FBXL13: variants seen among roughly 807,000 people sequenced by gnomAD.
FBXL13 encodes the protein F-box and leucine-rich repeat protein 13.
FBXL13 carries 67 observed loss-of-function variants against 83.6 expected under a neutral mutation model. That is an observed-to-expected ratio of 0.80 (90% CI 0.66 to 0.98). The LOEUF (loss-of-function observed/expected upper bound fraction) is 0.98. Ranked by LOEUF, FBXL13 falls within the 50% of genes least tolerant of loss-of-function variation. The probability of loss-of-function intolerance (pLI) is 0.00; values close to 1 mark genes in which losing one functional copy is unlikely to be tolerated. For missense variants in FBXL13, 822 were observed against 866.5 expected (o/e 0.95, Z 0.64); for synonymous variants, 272 against 299.5 (o/e 0.91, Z 0.95).
At chr7:102,898,218 T>C (rs561775437) in intron 11 of FBXL13, among the ~76,000 whole-genome samples, 59 of 152,268 alleles carry the variant, frequency 3.9e-4, no homozygotes, top group African/African-American at 1.3e-3. Flanking sequence ...ATGTATATAT[T>C]GTGTGTATAC....
chr7:102,883,934 T>G (rs1423876754), intron 12 of FBXL13, among the ~76,000 whole-genome samples: 1 of 152,194 alleles, frequency 6.6e-6, no homozygotes, highest in African/African-American at 2.4e-5. Flanking sequence ...AAAAAATTAC[T>G]ACATTTGGCA....
At chr7:102,939,368 C>T (rs1358338340) in intron 8 of FBXL13, 38 of 1,390,388 alleles carry the variant, frequency 2.7e-5, no homozygotes, top group South Asian at 1.8e-4. Context: ...ACAGATATAA[C>T]GGTGACCGAG....
intron 8 of FBXL13, among the ~76,000 whole-genome samples, chr7:102,943,348 A>G (rs1236039961): frequency 6.6e-6 from 1 of 151,732 alleles, no homozygotes; most frequent in Non-Finnish European, 1.5e-5. Context: ...AAAAAAAAAA[A>G]AGCCCAAAAT....
At chr7:103,013,096 T>C (rs1038402766) in intron 6 of FBXL13, among the ~76,000 whole-genome samples, 1 of 152,248 alleles carries the variant, frequency 6.6e-6, no homozygotes, top group Non-Finnish European at 1.5e-5. Context: ...AAGACCTATC[T>C]ATCATAAATA....
intron 8 of FBXL13, among the ~76,000 whole-genome samples, chr7:102,956,489 T>C (rs1024705513): frequency 6.6e-6 from 1 of 152,156 alleles, no homozygotes; most frequent in Non-Finnish European, 1.5e-5. Flanking sequence ...AAGGATGTCC[T>C]CTCTCACCAC....
chr7:102,857,951 A>G (rs994803037), intron 16 of FBXL13, among the ~76,000 whole-genome samples: 1 of 152,212 alleles, frequency 6.6e-6, no homozygotes, highest in Non-Finnish European at 1.5e-5. Flanking sequence ...ACTAGTGGGT[A>G]TTTACCCAAA....
At chr7:102,935,158 T>C (rs1172660134) in intron 8 of FBXL13, among the ~76,000 whole-genome samples, 2 of 151,404 alleles carry the variant, frequency 1.3e-5, no homozygotes, top group Non-Finnish European at 2.9e-5. Flanking sequence ...AGAGTGAAAG[T>C]GATGGCCCTT....
intron 6 of FBXL13, among the ~76,000 whole-genome samples, chr7:103,024,711 A>C (rs1793652612): frequency 6.7e-6 from 1 of 150,004 alleles, no homozygotes. Flanking sequence ...AAAACAGACA[A>C]GATAGGAGCA....
At chr7:102,927,720 A>G (rs1006612347) in intron 9 of FBXL13, among the ~76,000 whole-genome samples, 2 of 152,188 alleles carry the variant, frequency 1.3e-5, no homozygotes, top group African/African-American at 4.8e-5. Context: ...ACTACTCTTA[A>G]CTACAGTATT....
downstream of FBXL13, chr7:102,813,195 A>T: frequency 2.7e-6 from 2 of 754,522 alleles, no homozygotes; most frequent in East Asian, 2.8e-5. Flanking sequence ...ATGTGTTTGG[A>T]AATATTTGTA....
intron 16 of FBXL13, among the ~76,000 whole-genome samples, chr7:102,869,000 G>A (rs966522444): frequency 6.6e-6 from 1 of 152,202 alleles, no homozygotes; most frequent in Admixed American, 6.5e-5. Context: ...ATACCAAGTA[G>A]TGGGATTGCC....
At chr7:103,012,829 C>T (rs1791802247) in intron 6 of FBXL13, among the ~76,000 whole-genome samples, 1 of 152,186 alleles carries the variant, frequency 6.6e-6, no homozygotes, top group African/African-American at 2.4e-5. Flanking sequence ...TGTAAATGGG[C>T]TAAATGCCCC....
chr7:102,954,129 C>T (rs191337424), intron 8 of FBXL13, among the ~76,000 whole-genome samples: 56 of 152,252 alleles, frequency 3.7e-4, no homozygotes, highest in African/African-American at 1.2e-3. Flanking sequence ...GGCAGAGCAT[C>T]GCCTCACCCA....
rs1282086887 is a variant in FBXL13 at position 102,939,577 on chromosome 7, T to C, written c.725-7644A>G. The C allele has an allele frequency of 4.3e-6, 7 of 1,613,102 alleles. No homozygotes were observed. The highest frequency in any genetic ancestry group is 1.3e-5 in the African/African-American group (1 of 74,860). On this transcript the variant is annotated intron_variant, in intron 8 of 19. Coordinates refer to ENST00000313221, the Ensembl canonical transcript of FBXL13. ...CTCAGCAGCAATGGCATTGAATTCA[T>C]CGATCCTGGTAAGTTCCCCTGTATA...
At chr7:102,857,382 G>A (rs928154551) in intron 16 of FBXL13, 18 of 152,130 alleles carry the variant, frequency 1.2e-4, no homozygotes, top group Admixed American at 3.9e-4. Flanking sequence ...CAACTCAATA[G>A]CAAATAAACA....
intron 14 of FBXL13, among the ~76,000 whole-genome samples, chr7:102,882,910 G>A (rs1018753319): frequency 3.9e-5 from 6 of 152,044 alleles, no homozygotes; most frequent in Admixed American, 3.9e-4. Context: ...TCTTCACAGA[G>A]GAAAAATCTA....
chr7:102,898,016 C>T (rs933397762), intron 11 of FBXL13, among the ~76,000 whole-genome samples: 1 of 152,060 alleles, frequency 6.6e-6, no homozygotes, highest in Admixed American at 6.6e-5. Flanking sequence ...AAGTATGGGG[C>T]GCCACAGCAT....
intron 6 of FBXL13, chr7:102,987,979 C>T (rs368338259): frequency 1.1e-4 from 16 of 152,078 alleles, no homozygotes; most frequent in African/African-American, 3.4e-4. Flanking sequence ...ATTTGGCAAT[C>T]GTGAGTAAAC....
intron 2 of FBXL13, chr7:103,031,298 C>T (rs982752549): frequency 1.3e-5 from 2 of 152,368 alleles, no homozygotes; most frequent in Non-Finnish European, 2.9e-5. Flanking sequence ...CCTTCACAGT[C>T]GCTGCATATT....
Sources: gnomAD v4.1 joint callset for allele counts (sites outside exome capture counted in the v4.1 genomes callset) on GRCh38, gnomAD v4.1.1 for gene constraint, MANE v1.5 for transcripts, NCBI Gene and HGNC (gene_info 2026-07-23, HGNC 2026-07-21) for gene names.